SPON1: variants seen among roughly 807,000 people sequenced by gnomAD.
SPON1 encodes spondin-1.
SPON1 carries 52 observed loss-of-function variants against 111.7 expected under a neutral mutation model. The ratio of observed to expected loss-of-function variants is 0.47; its 90% confidence interval spans 0.37 to 0.59. SPON1 has a LOEUF of 0.59. SPON1 is among the 20% of genes least tolerant of loss of function. The pLI is 0.00. For synonymous variants in SPON1, 410 were observed against 395.8 expected (o/e 1.04, Z -0.43); for missense variants, 957 against 1,068.5 (o/e 0.90, Z 1.46).
At chr11:14,210,760 A>G (rs1554936643) in intron 6 of SPON1, among the ~76,000 whole-genome samples, 1 of 152,144 alleles carries the variant, frequency 6.6e-6, no homozygotes, top group African/African-American at 2.4e-5. Flanking sequence ...TCTTTGATCT[A>G]TCTTGAGTTA....
intron 5 of SPON1, among the ~76,000 whole-genome samples, chr11:14,125,616 ATGAG>A (rs1240399428): frequency 5.9e-5 from 9 of 152,240 alleles, no homozygotes; most frequent in African/African-American, 2.2e-4. Context: ...AGCATTATGA[ATGAG>A]TATCAAGGAA....
intron 13 of SPON1, among the ~76,000 whole-genome samples, chr11:14,260,131 G>T (rs1302941617): frequency 6.6e-6 from 1 of 152,224 alleles, no homozygotes; most frequent in Admixed American, 6.5e-5. Context: ...GTGCACAAAT[G>T]CATATGGGCC....
chr11:14,093,199 C>T (rs1246889521), intron 5 of SPON1, among the ~76,000 whole-genome samples: 1 of 152,210 alleles, frequency 6.6e-6, no homozygotes, highest in African/African-American at 2.4e-5. Context: ...AATGTCTGTT[C>T]GAGGCACTGT....
chr11:14,080,484 C>T (rs1554921951), intron 5 of SPON1, among the ~76,000 whole-genome samples: 1 of 152,168 alleles, frequency 6.6e-6, no homozygotes, highest in East Asian at 1.9e-4. Context: ...CCACCTTGGC[C>T]TCCCGAAGTG....
intron 2 of SPON1, among the ~76,000 whole-genome samples, chr11:14,016,662 AT>A (rs1848446442): frequency 1.3e-5 from 2 of 152,190 alleles, no homozygotes; most frequent in Admixed American, 6.5e-5. Flanking sequence ...AGAATTTAGG[AT>A]AGCTCATATC....
intron 3 of SPON1, 135 bp downstream of exon 3, chr11:14,041,789 A>G (rs1171348260): frequency 2.3e-5 from 21 of 898,332 alleles, no homozygotes; most frequent in South Asian, 2.1e-4. Context: ...TGAATTCTCA[A>G]TAGCACCATA....
At chr11:14,140,066 C>A (rs782194347) in intron 6 of SPON1, among the ~76,000 whole-genome samples, 6 of 152,150 alleles carry the variant, frequency 3.9e-5, no homozygotes, top group Non-Finnish European at 7.3e-5. Flanking sequence ...GAGGCACATA[C>A]ATGACTATTT....
At chr11:14,088,076 CTT>C (rs1300111266) in intron 5 of SPON1, among the ~76,000 whole-genome samples, 1 of 152,152 alleles carries the variant, frequency 6.6e-6, no homozygotes, top group African/African-American at 2.4e-5. Context: ...AGTCTTGACT[CTT>C]TACCCAATTT....
chr11:14,160,443 T>TTTA (rs1554930845), intron 6 of SPON1, among the ~76,000 whole-genome samples: 1,382 of 16,490 alleles, frequency 0.084, 341 homozygotes, highest in Admixed American at 0.11. Context: ...ATATATATAT[T>TTTA]TATATATATA....
intron 6 of SPON1, among the ~76,000 whole-genome samples, chr11:14,141,027 C>T (rs528951187): frequency 3.9e-5 from 5 of 126,656 alleles, no homozygotes; most frequent in African/African-American, 1.4e-4. Flanking sequence ...GCGTGCCCCC[C>T]CCATGCCCCA....
chr11:14,014,880 A>G (rs1397363012), intron 2 of SPON1, among the ~76,000 whole-genome samples: 2 of 152,182 alleles, frequency 1.3e-5, no homozygotes, highest in Non-Finnish European at 2.9e-5. Flanking sequence ...AGGTACATGA[A>G]ATTTTAAATG....
chr11:14,151,412 A>G (rs78797625), intron 6 of SPON1, among the ~76,000 whole-genome samples: 120 of 152,336 alleles, frequency 7.9e-4, no homozygotes, highest in African/African-American at 2.7e-3. Context: ...CAGAGATTAC[A>G]AGTAGACCTA....
intron 2 of SPON1, among the ~76,000 whole-genome samples, chr11:14,036,438 G>A (rs1379519285): frequency 6.6e-6 from 1 of 152,110 alleles, no homozygotes; most frequent in Non-Finnish European, 1.5e-5. Context: ...AAGAGCCAAG[G>A]GTGACCTCCA....
chr11:14,230,371 C>A (rs1407500449), intron 6 of SPON1, among the ~76,000 whole-genome samples: 1 of 152,100 alleles, frequency 6.6e-6, no homozygotes, highest in East Asian at 1.9e-4. Context: ...ATAACACCTG[C>A]GTCAGACATT....
intron 6 of SPON1, among the ~76,000 whole-genome samples, chr11:14,187,948 AT>A (rs1848304701): frequency 6.6e-6 from 1 of 152,030 alleles, no homozygotes; most frequent in Admixed American, 6.5e-5. Flanking sequence ...CGCCTGGCTA[AT>A]TTTGTATTAT....
At chr11:14,138,524 C>A (rs1847618303) in intron 6 of SPON1, among the ~76,000 whole-genome samples, 1 of 151,940 alleles carries the variant, frequency 6.6e-6, no homozygotes, top group Non-Finnish European at 1.5e-5. Context: ...CGTGGAAGGA[C>A]AAAGGCAAAT....
chr11:14,033,919 T>C (rs772162260), intron 2 of SPON1, among the ~76,000 whole-genome samples: 2 of 152,212 alleles, frequency 1.3e-5, no homozygotes, highest in Non-Finnish European at 2.9e-5. Context: ...AGCAAATCTC[T>C]CCCAAAGTGA....
chr11:14,237,739 C>T (rs919001705), intron 6 of SPON1, among the ~76,000 whole-genome samples: 3 of 152,232 alleles, frequency 2.0e-5, no homozygotes, highest in East Asian at 1.9e-4. Context: ...TGTGCCTTCC[C>T]GGCTTCATCA....
intron 3 of SPON1, among the ~76,000 whole-genome samples, chr11:14,055,213 T>C (rs1219640148): frequency 6.6e-6 from 1 of 152,212 alleles, no homozygotes; most frequent in Non-Finnish European, 1.5e-5. Context: ...ATTTGTTTCT[T>C]TGTACATTGA....
Sources: gnomAD v4.1 joint callset for allele counts (sites outside exome capture counted in the v4.1 genomes callset) on GRCh38, gnomAD v4.1.1 for gene constraint, MANE v1.5 for transcripts, NCBI Gene and HGNC (gene_info 2026-07-23, HGNC 2026-07-21) for gene names.